SGCD: variants seen among roughly 807,000 people sequenced by gnomAD.
SGCD encodes sarcoglycan delta.
In SGCD, 18 loss-of-function variants were observed where a neutral mutation model predicts 36.6. The ratio of observed to expected loss-of-function variants is 0.49; its 90% CI spans 0.34 to 0.73. The LOEUF (loss-of-function observed/expected upper bound fraction) is 0.73. Among genes scored for constraint, SGCD ranks in the 30% least tolerant of loss-of-function variants. SGCD has a pLI of 0.01. For missense variants in SGCD, 387 were observed against 346.7 expected, an observed-to-expected ratio of 1.12 and a Z score of -0.92; for synonymous variants, 133 against 130.6, an observed-to-expected ratio of 1.02 and a Z score of -0.12.
intron 3 of SGCD, among the ~76,000 whole-genome samples, chr5:156,314,924 T>A (rs1767476400): frequency 6.6e-6 from 1 of 152,050 alleles, no homozygotes; most frequent in Non-Finnish European, 1.5e-5. Context: ...TTGAGATGAT[T>A]GACAATTAAA....
At chr5:155,811,337 C>T in the SGCD span, among the ~76,000 whole-genome samples, 1 of 152,146 alleles carries the variant, frequency 6.6e-6, no homozygotes, top group Non-Finnish European at 1.5e-5. Flanking sequence ...GCACCCAGTT[C>T]CATGCCTGGG....
chr5:155,846,086 C>A, the SGCD span, among the ~76,000 whole-genome samples: 2 of 152,188 alleles, frequency 1.3e-5, no homozygotes, highest in Admixed American at 6.5e-5. Flanking sequence ...AACCAGCATT[C>A]TGGAGGTCAT....
At chr5:156,306,399 C>A (rs1421587503) in intron 3 of SGCD, among the ~76,000 whole-genome samples, 1 of 152,184 alleles carries the variant, frequency 6.6e-6, no homozygotes, top group Non-Finnish European at 1.5e-5. Context: ...TTCCTCCTTG[C>A]CTTCTGCTGT....
At chr5:156,404,969 C>A (rs1247043376) in intron 3 of SGCD, among the ~76,000 whole-genome samples, 1 of 152,134 alleles carries the variant, frequency 6.6e-6, no homozygotes, top group South Asian at 2.1e-4. Context: ...TCTGCAGATG[C>A]AATTAAGGCT....
At position 156,382,239 on chromosome 5, in the gene SGCD, G is replaced by A. The variant is rs181617563; in HGVS notation, c.192+37562G>A. Among the ~76,000 whole-genome samples the A allele has an allele frequency of 1.9e-3, 286 of 152,106 alleles. 1 individual carries two copies. The highest frequency in any genetic ancestry group is 6.8e-3 in the African/African-American group (281 of 41,502). ...TCAATGCCTCTTAGATGGTCACCTG[G>A]CACATCATCATGTCCTTCTCTGCCC... On this transcript the variant is annotated intron_variant, in intron 3 of 8. Coordinates refer to ENST00000337851, the MANE Select transcript of SGCD (RefSeq NM_000337.6).
rs142921962 is a variant in SGCD at position 156,485,628 on chromosome 5, C to T, written c.193-22973C>T. On this transcript the variant is annotated intron_variant, in intron 3 of 8. Transcript: ENST00000337851. ...CAGTGATCACGCCATTGCACTCTAG[C>T]CTGGATGGCAGAGCAAGACTCCATC... Among the ~76,000 whole-genome samples, 334 of 152,122 alleles carry T rather than the reference C, an allele frequency of 2.2e-3. 3 individuals are homozygous for T. Among genetic ancestry groups the T allele is most frequent in the African/African-American group, 7.7e-3 (318 of 41,478 alleles).
chr5:155,850,807 G>A, the SGCD span, among the ~76,000 whole-genome samples: 1 of 152,110 alleles, frequency 6.6e-6, no homozygotes, highest in African/African-American at 2.4e-5. Flanking sequence ...GGACATTCTG[G>A]GAGATACAAA....
chr5:156,368,870 T>C (rs1580883934), intron 3 of SGCD, among the ~76,000 whole-genome samples: 1 of 152,348 alleles, frequency 6.6e-6, no homozygotes, highest in Admixed American at 6.5e-5. Context: ...TGCTGAATTG[T>C]ATAACTATTT....
intron 1 of SGCD, among the ~76,000 whole-genome samples, chr5:156,087,487 A>G (rs1346782098): frequency 1.3e-5 from 2 of 151,994 alleles, no homozygotes; most frequent in Non-Finnish European, 2.9e-5. Context: ...AAAAATACAA[A>G]AAATTAGCTG....
At chr5:156,200,909 T>C (rs912035722) in intron 3 of SGCD, among the ~76,000 whole-genome samples, 1 of 152,156 alleles carries the variant, frequency 6.6e-6, no homozygotes, top group Non-Finnish European at 1.5e-5. Context: ...TATGCAGCTT[T>C]AAAACAGGAA....
chr5:156,068,758 A>G (rs1170265288), intron 1 of SGCD, among the ~76,000 whole-genome samples: 1 of 151,604 alleles, frequency 6.6e-6, no homozygotes, highest in Non-Finnish European at 1.5e-5. Context: ...AAGTGTTCCT[A>G]TTTCTCCACA....
At chr5:156,349,084 T>C (rs1362905616) in intron 3 of SGCD, among the ~76,000 whole-genome samples, 2 of 152,082 alleles carry the variant, frequency 1.3e-5, no homozygotes, top group African/African-American at 2.4e-5. Context: ...TCTCACTGTA[T>C]TGAAAAAGTT....
the SGCD span, among the ~76,000 whole-genome samples, chr5:155,778,254 C>T: frequency 6.6e-6 from 1 of 152,114 alleles, no homozygotes; most frequent in Non-Finnish European, 1.5e-5. Context: ...CTTAGTTCAG[C>T]TGAGTGGAGT....
intron 3 of SGCD, among the ~76,000 whole-genome samples, chr5:156,481,242 A>G (rs1186521460): frequency 6.6e-6 from 1 of 152,182 alleles, no homozygotes; most frequent in African/African-American, 2.4e-5. Context: ...CTGGCTAGTG[A>G]CAAGTAGATA....
intron 3 of SGCD, among the ~76,000 whole-genome samples, chr5:156,408,907 A>G (rs1772584270): frequency 6.6e-6 from 1 of 152,172 alleles, no homozygotes; most frequent in South Asian, 2.1e-4. Context: ...TTTCACACCT[A>G]TATAAAGGGG....
At chr5:156,328,415 T>A (rs573620055) in intron 1 of SGCD, among the ~76,000 whole-genome samples, 1 of 152,324 alleles carries the variant, frequency 6.6e-6, no homozygotes, top group East Asian at 1.9e-4. Context: ...ACTTCTTGAG[T>A]AGCTGAAGAG....
At chr5:156,755,975 G>A (rs1757320417) in intron 7 of SGCD, among the ~76,000 whole-genome samples, 1 of 152,144 alleles carries the variant, frequency 6.6e-6, no homozygotes, top group African/African-American at 2.4e-5. Context: ...GATCTTACTG[G>A]TCAGCTTGCT....
At position 156,647,553 on chromosome 5, in the gene SGCD, G is replaced by T; in HGVS notation, c.575+17G>T. Reference sequence around the variant, plus strand: ...AGAACTAAGGTAAACTTCTGACTTTGGTTTGCATTGATTAATGGCTATTGC... The same window carrying T: ...AGAACTAAGGTAAACTTCTGACTTTTGTTTGCATTGATTAATGGCTATTGC... On this transcript the variant is annotated intron_variant, in intron 7 of 8. Transcript: ENST00000337851. 1 of 1,524,514 alleles carries T rather than the reference G, an allele frequency of 6.6e-7. No homozygotes were observed. Among genetic ancestry groups the T allele is most frequent in the South Asian group, 1.2e-5 (1 of 84,130 alleles). The allele number at this position is 1,524,514 out of a possible 1,614,324, so 94.4% of individuals were successfully genotyped here.
intron 4 of SGCD, among the ~76,000 whole-genome samples, chr5:156,578,777 T>C (rs1309686619): frequency 6.6e-6 from 1 of 152,238 alleles, no homozygotes. Flanking sequence ...TTATCATGTT[T>C]TATTGCATCT....
Sources: gnomAD v4.1 joint callset for allele counts (sites outside exome capture counted in the v4.1 genomes callset) on GRCh38, gnomAD v4.1.1 for gene constraint, MANE v1.5 for transcripts, NCBI Gene and HGNC (gene_info 2026-07-23, HGNC 2026-07-21) for gene names.